NELL1: variants seen among roughly 807,000 people sequenced by gnomAD.
NELL1 encodes protein kinase C-binding protein NELL1.
A neutral mutation model predicts 107.4 loss-of-function variants in NELL1; 76 were observed. The ratio of observed to expected loss-of-function variants is 0.71; its 90% CI spans 0.59 to 0.86. The LOEUF (loss-of-function observed/expected upper bound fraction) is 0.86, where lower values mean the gene tolerates loss of function less well. NELL1 is among the 40% of genes least tolerant of loss of function. The pLI, the probability that NELL1 is intolerant of heterozygous loss-of-function variation, is 0.00. For synonymous variants in NELL1, 353 were observed against 341.2 expected, an observed-to-expected ratio of 1.03 and a Z score of -0.38; for missense variants, 1,024 against 1,005.5, an observed-to-expected ratio of 1.02 and a Z score of -0.25.
At chr11:20,986,910 A>T (rs1183760318) in intron 12 of NELL1, among the ~76,000 whole-genome samples, 1 of 152,232 alleles carries the variant, frequency 6.6e-6, no homozygotes, top group African/African-American at 2.4e-5. Context: ...ATATGTAAGA[A>T]AGCATTTTCT....
intron 10 of NELL1, among the ~76,000 whole-genome samples, chr11:20,943,838 G>A (rs891533743): frequency 7.9e-5 from 12 of 152,188 alleles, no homozygotes; most frequent in East Asian, 1.9e-4. Context: ...TAGAGGGGTA[G>A]ATTGAGAAGG....
intron 5 of NELL1, among the ~76,000 whole-genome samples, chr11:20,896,848 C>T (rs1218754442): frequency 2.0e-5 from 3 of 152,044 alleles, no homozygotes. Flanking sequence ...AGGAATCCAA[C>T]TTACAAGGGA....
intron 15 of NELL1, among the ~76,000 whole-genome samples, chr11:21,409,848 A>G (rs1852331916): frequency 6.6e-6 from 1 of 151,968 alleles, no homozygotes; most frequent in African/African-American, 2.4e-5. Flanking sequence ...ATTGTTTGCC[A>G]CTCTCTCACA....
chr11:20,910,568 G>A (rs1850107444), intron 5 of NELL1, among the ~76,000 whole-genome samples: 1 of 152,196 alleles, frequency 6.6e-6, no homozygotes, highest in Non-Finnish European at 1.5e-5. Context: ...TGCTTAGAAA[G>A]GTCCTGTGAT....
At chr11:20,773,412 A>G (rs1856678100) in intron 2 of NELL1, 1 of 152,176 alleles carries the variant, frequency 6.6e-6, no homozygotes, top group Non-Finnish European at 1.5e-5. Context: ...TTTTATTCTC[A>G]TTTGTAAAAA....
In NELL1 at chr11:20,988,519, C is replaced by A. The variant is rs1053603535; in HGVS notation, c.1300+27959C>A. On this transcript the variant is annotated intron_variant, in intron 12 of 19. Transcript: ENST00000357134. ...CATATATGTGTGTATATATACATATCTATCTATATACATATATGTATGTAT... is the reference window on the plus strand; with the variant it reads ...CATATATGTGTGTATATATACATATATATCTATATACATATATGTATGTAT... 2.2e-4 allele frequency among the ~76,000 whole-genome samples: 33 copies of A among 149,438 alleles called. 2 individuals are homozygous for A. Among genetic ancestry groups the A allele is most frequent in the Non-Finnish European group, 1.5e-5 (1 of 67,482 alleles).
At chr11:21,150,942 T>C (rs1407047770) in intron 13 of NELL1, among the ~76,000 whole-genome samples, 3 of 152,036 alleles carry the variant, frequency 2.0e-5, no homozygotes, top group Admixed American at 2.0e-4. Context: ...CTTCTTCACA[T>C]GGTGAAGCTG....
intron 15 of NELL1, among the ~76,000 whole-genome samples, chr11:21,477,193 C>T (rs1367788478): frequency 6.6e-6 from 1 of 152,054 alleles, no homozygotes; most frequent in Non-Finnish European, 1.5e-5. Context: ...CCAGGAGAGA[C>T]TCTTTGCCTT....
At chr11:21,449,635 C>G (rs541460511) in intron 15 of NELL1, among the ~76,000 whole-genome samples, 13 of 152,154 alleles carry the variant, frequency 8.5e-5, no homozygotes, top group Non-Finnish European at 1.8e-4. Context: ...AATCCACAAT[C>G]ATGATGAGTT....
In NELL1 at chr11:21,346,933, T is replaced by A. The variant is rs1401150884; in HGVS notation, c.1550-23920T>A. Among the ~76,000 whole-genome samples the A allele has an allele frequency of 2.0e-5, 3 of 152,120 alleles. No homozygotes were observed. The East Asian group carries it at 5.8e-4, about 29-fold the overall frequency. The stretch of plus-strand genomic sequence containing the variant: ...CTTATTATAACGTGGCATACAATAA[T>A]AATAACCAAATGTTAAGCTAGTTTA... On this transcript the variant is annotated intron_variant, in intron 14 of 19. Coordinates refer to ENST00000357134, the MANE Select transcript of NELL1 (RefSeq NM_006157.5).
chr11:20,941,561 G>A (rs1850856350), intron 10 of NELL1, among the ~76,000 whole-genome samples: 1 of 151,992 alleles, frequency 6.6e-6, no homozygotes, highest in African/African-American at 2.4e-5. Flanking sequence ...CATTCCCACT[G>A]CAACATAACG....
At chr11:21,364,014 G>T (rs1038536830) in intron 14 of NELL1, among the ~76,000 whole-genome samples, 24 of 152,160 alleles carry the variant, frequency 1.6e-4, no homozygotes, top group Admixed American at 6.5e-5. Flanking sequence ...TATTGTCTCT[G>T]TTATACCTAC....
intron 13 of NELL1, among the ~76,000 whole-genome samples, chr11:21,127,360 C>T (rs1028085119): frequency 1.3e-5 from 2 of 151,930 alleles, no homozygotes; most frequent in East Asian, 3.9e-4. Context: ...CTTTGGGTGG[C>T]CTAAGTGGGA....
At chr11:21,120,353 A>G (rs535606166) in intron 13 of NELL1, among the ~76,000 whole-genome samples, 1 of 152,290 alleles carries the variant, frequency 6.6e-6, no homozygotes, top group South Asian at 2.1e-4. Context: ...TTGGTCAATT[A>G]TATTGATGAA....
chr11:21,517,921 C>T (rs111311679), intron 15 of NELL1, among the ~76,000 whole-genome samples: 277 of 152,054 alleles, frequency 1.8e-3, no homozygotes, highest in African/African-American at 6.5e-3. Context: ...CTTTTCAAGT[C>T]GCAGATGCTT....
chr11:21,544,138 A>G (rs900707807), intron 16 of NELL1, among the ~76,000 whole-genome samples: 3 of 152,042 alleles, frequency 2.0e-5, no homozygotes, highest in African/African-American at 4.8e-5. Context: ...GGGAATTGCA[A>G]TTCTAGTTCA....
intron 2 of NELL1, among the ~76,000 whole-genome samples, chr11:20,705,942 A>G (rs935808274): frequency 4.7e-4 from 71 of 152,328 alleles, no homozygotes; most frequent in Admixed American, 1.1e-3. Flanking sequence ...CCATCAGAGA[A>G]ATGCAAATGA....
chr11:20,975,006 C>T (rs979895892), intron 12 of NELL1, among the ~76,000 whole-genome samples: 3 of 151,574 alleles, frequency 2.0e-5, no homozygotes, highest in Admixed American at 6.6e-5. Context: ...GATAAAAATC[C>T]GGGCCTTTTT....
chr11:21,477,757 A>G (rs1854380792), intron 15 of NELL1, among the ~76,000 whole-genome samples: 1 of 152,036 alleles, frequency 6.6e-6, no homozygotes, highest in Admixed American at 6.6e-5. Flanking sequence ...TAGAGATTTC[A>G]AAATAGCTGT....
Sources: gnomAD v4.1 joint callset for allele counts (sites outside exome capture counted in the v4.1 genomes callset) on GRCh38, gnomAD v4.1.1 for gene constraint, MANE v1.5 for transcripts, NCBI Gene and HGNC (gene_info 2026-07-23, HGNC 2026-07-21) for gene names.